The following NKAIN2 variants were observed in gnomAD, a reference collection of about 807,000 sequenced individuals.
The protein encoded by NKAIN2 is sodium/potassium transporting ATPase interacting 2, also known as sodium/potassium-transporting ATPase subunit beta-1-interacting protein 2.
In NKAIN2, 14 loss-of-function variants were observed where a neutral mutation model predicts 32.6. The ratio of observed to expected loss-of-function variants is 0.43; its 90% CI spans 0.28 to 0.67. NKAIN2 has a LOEUF of 0.67. Ranked by LOEUF, NKAIN2 falls within the 30% of genes least tolerant of loss-of-function variation. The probability of loss-of-function intolerance (pLI) is 0.17; values close to 1 mark genes in which losing one functional copy is unlikely to be tolerated. For missense variants in NKAIN2, 198 were observed against 258.3 expected, an observed-to-expected ratio of 0.77 and a Z score of 1.60; for synonymous variants, 80 against 87.2, an observed-to-expected ratio of 0.92 and a Z score of 0.46.
At chr6:124,434,744 G>T (rs1423501778) in intron 3 of NKAIN2, among the ~76,000 whole-genome samples, 1 of 152,118 alleles carries the variant, frequency 6.6e-6, no homozygotes, top group East Asian at 1.9e-4. Flanking sequence ...GCCAGTTGCT[G>T]GCTACCAGTC....
At chr6:124,613,890 T>C (rs1180347283) in intron 3 of NKAIN2, among the ~76,000 whole-genome samples, 1 of 152,202 alleles carries the variant, frequency 6.6e-6, no homozygotes, top group Admixed American at 6.5e-5. Context: ...TAAATATATG[T>C]GGAATAATGA....
intron 1 of NKAIN2, among the ~76,000 whole-genome samples, chr6:124,186,432 C>T (rs1789746659): frequency 6.6e-6 from 1 of 151,836 alleles, no homozygotes. Context: ...ACAGAGCAAG[C>T]CCCGTCTTTA....
chr6:124,474,816 T>C (rs1481564517), intron 3 of NKAIN2, among the ~76,000 whole-genome samples: 5 of 148,018 alleles, frequency 3.4e-5, no homozygotes. Context: ...ATATTAGATA[T>C]ATACATATAT....
intron 1 of NKAIN2, among the ~76,000 whole-genome samples, chr6:124,269,347 T>C (rs368541869): frequency 1.6e-3 from 243 of 152,216 alleles, no homozygotes; most frequent in Non-Finnish European, 2.9e-3. Context: ...ATACCAGAAA[T>C]AGCATACCTC....
chr6:124,571,003 G>A (rs1781107234), intron 3 of NKAIN2, among the ~76,000 whole-genome samples: 1 of 152,192 alleles, frequency 6.6e-6, no homozygotes, highest in African/African-American at 2.4e-5. Context: ...TGACCTGGAT[G>A]TGAGACCTGG....
intron 1 of NKAIN2, among the ~76,000 whole-genome samples, chr6:123,810,854 A>G (rs1431367601): frequency 2.0e-5 from 3 of 152,222 alleles, no homozygotes; most frequent in Non-Finnish European, 2.9e-5. Context: ...TATGTTATTT[A>G]AAATATGTGT....
At chr6:123,950,285 C>T (rs1249652296) in intron 1 of NKAIN2, among the ~76,000 whole-genome samples, 2 of 151,440 alleles carry the variant, frequency 1.3e-5, no homozygotes, top group East Asian at 3.9e-4. Context: ...GTGCTTTTCT[C>T]GTTTTGATAC....
At chr6:124,229,684 C>G (rs969596285) in intron 1 of NKAIN2, among the ~76,000 whole-genome samples, 1 of 152,048 alleles carries the variant, frequency 6.6e-6, no homozygotes, top group Non-Finnish European at 1.5e-5. Context: ...TTGCCATGCT[C>G]TTCTCATGAT....
chr6:124,729,032 C>T (rs1347108353), intron 4 of NKAIN2, among the ~76,000 whole-genome samples: 26 of 150,442 alleles, frequency 1.7e-4, no homozygotes, highest in African/African-American at 6.3e-4. Context: ...TCTGAATAGA[C>T]CAATAACAGG....
At chr6:124,593,646 A>G (rs1174521579) in intron 3 of NKAIN2, among the ~76,000 whole-genome samples, 1 of 152,216 alleles carries the variant, frequency 6.6e-6, no homozygotes, top group Non-Finnish European at 1.5e-5. Flanking sequence ...CCTAAAAGCT[A>G]CAGGAACCTA....
In NKAIN2 at chr6:124,530,025, C is replaced by A. The variant is rs1779462466; in HGVS notation, c.274-128161C>A. Among the ~76,000 whole-genome samples, 5 of 152,300 alleles carry A rather than the reference C, an allele frequency of 3.3e-5. No individual in the cohort carries two copies. In the South Asian group the frequency reaches 1.0e-3, roughly 32 times the overall value. On this transcript the variant is annotated intron_variant, in intron 3 of 6. Coordinates refer to ENST00000368417, the MANE Select transcript of NKAIN2 (RefSeq NM_001040214.3). ...AGAGGCCAGAGAGCTAGCTAGTTTT[C>A]TTTTCCCCATGTGAAGATATGTATT...
rs373245751 is a variant in NKAIN2 at position 124,422,193 on chromosome 6, A to G, written c.273+66846A>G. On this transcript the variant is annotated intron_variant, in intron 3 of 6. Coordinates refer to ENST00000368417, the MANE Select transcript of NKAIN2 (RefSeq NM_001040214.3). ...TATGTCAGTTCTGTTATTTGGCCCA[A>G]GATACTCATTTCAATTGAACTTTTT... 7.9e-5 allele frequency among the ~76,000 whole-genome samples: 12 copies of G among 152,222 alleles called. 1 individual carries two copies. The South Asian group carries it at 1.7e-3, about 21-fold the overall frequency.
intron 1 of NKAIN2, among the ~76,000 whole-genome samples, chr6:124,253,013 A>G (rs1026556814): frequency 6.6e-6 from 1 of 152,180 alleles, no homozygotes; most frequent in Admixed American, 6.5e-5. Flanking sequence ...CAGAATCCAT[A>G]AGATAACAAA....
intron 2 of NKAIN2, among the ~76,000 whole-genome samples, chr6:124,292,541 T>A (rs2114951092): frequency 6.7e-6 from 1 of 148,210 alleles, no homozygotes; most frequent in Admixed American, 6.7e-5. Context: ...GCAGATGACT[T>A]TTTTTTTTTT....
chr6:124,221,818 A>T (rs921305984), intron 1 of NKAIN2, among the ~76,000 whole-genome samples: 1 of 152,176 alleles, frequency 6.6e-6, no homozygotes, highest in African/African-American at 2.4e-5. Context: ...TATTAGAAAA[A>T]TGCCACTATA....
rs184675270 is a variant in NKAIN2, at chr6:124,060,696, T to G, written c.55-222309T>G. 5.6e-3 allele frequency among the ~76,000 whole-genome samples: 857 copies of G among 152,296 alleles called. 6 individuals are homozygous for G. The highest frequency in any genetic ancestry group is 0.014 in the Middle Eastern group (4 of 294). On this transcript the variant is annotated intron_variant, in intron 1 of 6. Coordinates refer to ENST00000368417, the MANE Select transcript of NKAIN2 (RefSeq NM_001040214.3). Reference sequence around the variant, plus strand: ...AAAGGATAACTTTTTCCTTGTTTGCTTACTCATCTAGTAAAGTTTAGCAGA... The same window carrying G: ...AAAGGATAACTTTTTCCTTGTTTGCGTACTCATCTAGTAAAGTTTAGCAGA...
At chr6:124,026,927 A>T (rs1002819250) in intron 1 of NKAIN2, among the ~76,000 whole-genome samples, 2 of 152,044 alleles carry the variant, frequency 1.3e-5, no homozygotes, top group African/African-American at 4.8e-5. Context: ...TGCTCCACTG[A>T]AGCTGTGCTG....
At chr6:124,573,588 T>G (rs1781217036) in intron 3 of NKAIN2, among the ~76,000 whole-genome samples, 1 of 152,198 alleles carries the variant, frequency 6.6e-6, no homozygotes, top group Non-Finnish European at 1.5e-5. Flanking sequence ...CATAATTTTC[T>G]TCTCATTTTA....
chr6:124,341,256 A>C (rs1798102068), intron 2 of NKAIN2, among the ~76,000 whole-genome samples: 1 of 152,194 alleles, frequency 6.6e-6, no homozygotes, highest in Non-Finnish European at 1.5e-5. Context: ...ATAGTAGTTG[A>C]ATAACTCACA....
Sources: gnomAD v4.1 joint callset for allele counts (sites outside exome capture counted in the v4.1 genomes callset) on GRCh38, gnomAD v4.1.1 for gene constraint, MANE v1.5 for transcripts, NCBI Gene and HGNC (gene_info 2026-07-23, HGNC 2026-07-21) for gene names.